The following CDKL1 variants were observed in gnomAD, a reference collection of about 807,000 sequenced individuals.
CDKL1 encodes cyclin-dependent kinase-like 1.
CDKL1 carries 41 observed loss-of-function variants against 42.0 expected under a neutral mutation model. The observed-to-expected ratio is 0.98, with a 90% CI of 0.76 to 1.27. The LOEUF (loss-of-function observed/expected upper bound fraction) is 1.27. Among genes scored for constraint, CDKL1 ranks in the 50% most tolerant of loss-of-function variants. The pLI, the probability that CDKL1 is intolerant of heterozygous loss-of-function variation, is 0.00. For missense variants in CDKL1, 394 were observed against 428.4 expected, an observed-to-expected ratio of 0.92 and a Z score of 0.71; for synonymous variants, 153 against 158.6, an observed-to-expected ratio of 0.96 and a Z score of 0.26.
At chr14:50,341,471 G>C (rs550890689) in intron 5 of CDKL1, among the ~76,000 whole-genome samples, 5,862 of 116,384 alleles carry the variant, frequency 0.05, 588 homozygotes, top group African/African-American at 0.16. Flanking sequence ...GGGGGGGGGG[G>C]GTTATTTGGC....
rs759466260 is a variant in CDKL1, at chr14:50,341,015, A to G, written c.655+17T>C. On this transcript the variant is annotated intron_variant, in intron 6 of 9. Coordinates refer to ENST00000395834, the MANE Select transcript of CDKL1 (RefSeq NM_004196.7). ...AATATCCAGTTTTCCAAAAGGTGGG[A>G]CAAAAACACCACTTACCCAAGGTCT... is the stretch of plus-strand genomic sequence containing the variant. 6.2e-7 allele frequency: 1 copy of G among 1,608,846 alleles called. No homozygotes were observed. The highest frequency in any genetic ancestry group is 1.7e-5 in the Admixed American group (1 of 60,002).
chr14:50,335,152 T>G (rs1477540274), intron 7 of CDKL1, among the ~76,000 whole-genome samples: 2 of 150,696 alleles, frequency 1.3e-5, no homozygotes, highest in Non-Finnish European at 3.0e-5. Context: ...AAAAACTAGC[T>G]GGGGGTGGTG....
intron 2 of CDKL1, among the ~76,000 whole-genome samples, chr14:50,383,563 AAAC>A (rs1214464329): frequency 5.1e-4 from 16 of 31,594 alleles, no homozygotes; most frequent in African/African-American, 1.2e-3. Context: ...AAAAAAAAAA[AAAC>A]AAACAACAAC....
chr14:50,378,311 G>A, intron 2 of CDKL1: 1 of 1,366,498 alleles, frequency 7.3e-7, no homozygotes, highest in Non-Finnish European at 9.8e-7. Context: ...CAGTGCCTGA[G>A]TAGGGCAATA....
intron 2 of CDKL1, among the ~76,000 whole-genome samples, chr14:50,368,106 G>A (rs1468238118): frequency 6.6e-6 from 1 of 151,770 alleles, no homozygotes. Context: ...CTACAAATGT[G>A]TACAACCATG....
intron 2 of CDKL1, among the ~76,000 whole-genome samples, chr14:50,389,242 T>C (rs1488636800): frequency 6.6e-6 from 1 of 152,084 alleles, no homozygotes; most frequent in Non-Finnish European, 1.5e-5. Context: ...CTGGACATTC[T>C]GCAGGTTACT....
intron 2 of CDKL1, among the ~76,000 whole-genome samples, chr14:50,369,396 C>A (rs1054657485): frequency 2.6e-5 from 4 of 151,990 alleles, no homozygotes; most frequent in Admixed American, 2.0e-4. Flanking sequence ...TATCATCACT[C>A]TTGCATTATT....
At chr14:50,375,440 G>A (rs370752173) in intron 2 of CDKL1, among the ~76,000 whole-genome samples, 27 of 152,238 alleles carry the variant, frequency 1.8e-4, no homozygotes, top group African/African-American at 5.8e-4. Flanking sequence ...TGCGCTGCAC[G>A]TAGTGACTTC....
chr14:50,389,588 G>C (rs1483981462), intron 2 of CDKL1, among the ~76,000 whole-genome samples: 1 of 151,982 alleles, frequency 6.6e-6, no homozygotes, highest in Non-Finnish European at 1.5e-5. Context: ...TTTTCAAATG[G>C]ACATTTCCCC....
chr14:50,377,866 C>T (rs776839447), intron 2 of CDKL1: 2 of 527,276 alleles, frequency 3.8e-6, no homozygotes, highest in Non-Finnish European at 5.8e-6. Context: ...GAACAGTCAT[C>T]TGTGGGAGTC....
intron 2 of CDKL1, chr14:50,363,025 G>A: frequency 4.5e-6 from 2 of 446,796 alleles, no homozygotes; most frequent in South Asian, 1.6e-5. Context: ...AAGCCAGGGA[G>A]ACCACGAACC....
chr14:50,376,785 A>T (rs2034745977), intron 2 of CDKL1, among the ~76,000 whole-genome samples: 2 of 152,152 alleles, frequency 1.3e-5, no homozygotes, highest in South Asian at 4.1e-4. Flanking sequence ...AAGATCTGGG[A>T]TTATATACTT....
intron 2 of CDKL1, chr14:50,378,443 G>A: frequency 7.3e-7 from 1 of 1,365,600 alleles, no homozygotes. Flanking sequence ...CTGGAAAAGG[G>A]GAAATTCATT....
chr14:50,374,785 C>T (rs1030969686), intron 2 of CDKL1, among the ~76,000 whole-genome samples: 2 of 152,282 alleles, frequency 1.3e-5, no homozygotes, highest in Non-Finnish European at 2.9e-5. Flanking sequence ...CCAACCACAT[C>T]CTAGTAGCAA....
chr14:50,364,629 C>A (rs1295258208), intron 2 of CDKL1, among the ~76,000 whole-genome samples: 1 of 151,916 alleles, frequency 6.6e-6, no homozygotes, highest in African/African-American at 2.4e-5. Context: ...TCACTTGGAC[C>A]AAATTAGGTA....
intron 2 of CDKL1, among the ~76,000 whole-genome samples, chr14:50,384,687 T>TA (rs1163188673): frequency 6.6e-5 from 10 of 151,850 alleles, no homozygotes; most frequent in Admixed American, 6.6e-4. Context: ...TCTTTCTTTT[T>TA]TTTTTTTTTT....
At chr14:50,375,669 C>T (rs2034708614) in intron 2 of CDKL1, among the ~76,000 whole-genome samples, 1 of 152,094 alleles carries the variant, frequency 6.6e-6, no homozygotes, top group Non-Finnish European at 1.5e-5. Flanking sequence ...TGGTGGCAGG[C>T]ACCTGTAATC....
chr14:50,335,491 C>CTCCCCCGGCCCG (rs1232554744), intron 7 of CDKL1: 1 of 1,536,042 alleles, frequency 6.5e-7, no homozygotes, highest in Admixed American at 2.0e-5. Context: ...GTGGGGCATT[C>CTCCCCCGGCCCG]GTCAATCTCC....
intron 2 of CDKL1, chr14:50,378,520 TTC>T: frequency 9.5e-7 from 1 of 1,056,984 alleles, no homozygotes; most frequent in Middle Eastern, 3.1e-4. Flanking sequence ...CTGCAGACAG[TTC>T]TTTTTTAAAT....
Sources: gnomAD v4.1 joint callset for allele counts (sites outside exome capture counted in the v4.1 genomes callset) on GRCh38, gnomAD v4.1.1 for gene constraint, MANE v1.5 for transcripts, NCBI Gene and HGNC (gene_info 2026-07-23, HGNC 2026-07-21) for gene names.